The following RNF138 variants were observed in gnomAD, a reference collection of about 807,000 sequenced individuals.
The protein encoded by RNF138 is ring finger protein 138.
In RNF138, 12 loss-of-function variants were observed where a neutral mutation model predicts 31.0. That is an observed-to-expected ratio of 0.39 (90% CI 0.25 to 0.63). RNF138 has a LOEUF of 0.63. RNF138 is among the 20% of genes least tolerant of loss of function. The pLI, the probability that RNF138 is intolerant of heterozygous loss-of-function variation, is 0.52. For synonymous variants in RNF138, 105 were observed against 99.5 expected, an observed-to-expected ratio of 1.06 and a Z score of -0.33; for missense variants, 192 against 300.1, an observed-to-expected ratio of 0.64 and a Z score of 2.66.
intron 2 of RNF138, among the ~76,000 whole-genome samples, chr18:32,108,866 G>A (rs145045010): frequency 1.7e-3 from 260 of 152,058 alleles, no homozygotes; most frequent in African/African-American, 5.7e-3. Context: ...TTTTTTTACA[G>A]GAGCAAAGTC....
chr18:32,118,527 C>G (rs2040252130), intron 4 of RNF138, among the ~76,000 whole-genome samples: 1 of 151,094 alleles, frequency 6.6e-6, no homozygotes. Context: ...GAGCAAGACT[C>G]TTTCTCAAAA....
intron 6 of RNF138, among the ~76,000 whole-genome samples, chr18:32,126,196 ACC>A (rs2040381177): frequency 6.6e-6 from 1 of 152,200 alleles, no homozygotes; most frequent in African/African-American, 2.4e-5. Context: ...GGAATTTGAG[ACC>A]CAGCCTGGAC....
In RNF138 at chr18:32,092,697, T is replaced by C. The variant is rs764856312; in HGVS notation, c.-77-3T>C. The stretch of plus-strand genomic sequence containing the variant: ...TCCCCCTCCCCCCTCCGGGTTCATG[T>C]AGGGAGTCGGGCCCCGGGCCGCCAC... On this transcript the variant is annotated splice_region_variant and splice_polypyrimidine_tract_variant and intron_variant, in intron 1 of 7. Transcript: ENST00000261593. 1.9e-5 allele frequency: 15 copies of C among 808,472 alleles called. No individual in the cohort carries two copies. The African/African-American group carries it at 2.4e-4, about 13-fold the overall frequency. The allele number at this position is 808,472 out of a possible 1,614,324, so 50.1% of individuals were successfully genotyped here.
intron 2 of RNF138, among the ~76,000 whole-genome samples, chr18:32,098,710 G>A (rs1045837201): frequency 1.3e-5 from 2 of 151,956 alleles, no homozygotes; most frequent in Admixed American, 6.6e-5. Flanking sequence ...AAAATTAGCC[G>A]GGTGTGGCGG....
At chr18:32,099,701 C>T (rs369691207) in intron 2 of RNF138, among the ~76,000 whole-genome samples, 1 of 152,182 alleles carries the variant, frequency 6.6e-6, no homozygotes, top group South Asian at 2.1e-4. Flanking sequence ...CCACTGCACC[C>T]GGCCATTCTT....
chr18:32,091,888 G>C lies in RNF138; in HGVS notation c.-425G>C, dbSNP rs1451960950. On this transcript the variant is annotated 5_prime_UTR_variant, in exon 1 of 8. Transcript: ENST00000261593. ...CCGCGGAAGGCGCCGTGCGCCGGTT[G>C]CTATACAGGCCGCACTTCACACCCC... is the stretch of plus-strand genomic sequence containing the variant. 2 of 152,162 alleles carry C rather than the reference G, an allele frequency of 1.3e-5. No individual in the cohort carries two copies. Among genetic ancestry groups the C allele is most frequent in the Non-Finnish European group, 2.9e-5 (2 of 68,042 alleles). 9.4% of individuals were successfully genotyped at this position (152,162 alleles called of 1,614,324 possible).
chr18:32,112,036 CTG>C (rs1447605812), intron 3 of RNF138, 117 bp downstream of exon 3: 1 of 847,920 alleles, frequency 1.2e-6, no homozygotes, highest in African/African-American at 1.8e-5. Context: ...GGTATTTAGA[CTG>C]GGAATTGGAT....
intron 4 of RNF138, among the ~76,000 whole-genome samples, chr18:32,119,256 C>T (rs917098344): frequency 1.3e-5 from 2 of 151,742 alleles, no homozygotes; most frequent in African/African-American, 4.8e-5. Context: ...AGAAATATGA[C>T]CTCTCTCATT....
chr18:32,117,009 C>G (rs770285622), intron 4 of RNF138, among the ~76,000 whole-genome samples: 1 of 152,192 alleles, frequency 6.6e-6, no homozygotes, highest in Non-Finnish European at 1.5e-5. Flanking sequence ...TCAAGTGATT[C>G]TCCTGCCTAA....
At position 32,113,309 on chromosome 18, in the gene RNF138, C is replaced by T. The variant is rs757772706; in HGVS notation, c.277-436C>T. 3.3e-5 allele frequency among the ~76,000 whole-genome samples: 5 copies of T among 152,244 alleles called. No individual in the cohort carries two copies. The South Asian group carries it at 6.2e-4, about 19-fold the overall frequency. ...CTGAACTCAAGCAGTCCACCCATCC[C>T]AGCCTCCCAAAAGGCTGGGATTACA... On this transcript the variant is annotated intron_variant, in intron 3 of 7. Coordinates refer to ENST00000261593, the MANE Select transcript of RNF138 (RefSeq NM_016271.5).
rs780166210 is a variant in RNF138 at position 32,092,870 on chromosome 18, A to G, written c.94A>G (p.Thr32Ala). The G allele has an allele frequency of 4.8e-5, 75 of 1,578,032 alleles. No homozygotes were observed. The highest frequency in any genetic ancestry group is 6.2e-5 in the Non-Finnish European group (72 of 1,164,456). Residue 32 changes from threonine (T) to alanine (A), a missense_variant, in exon 2 of 8, where the codon ACG becomes GCG. By Grantham distance (58) the Thr-to-Ala change is moderately conservative. Coordinates refer to ENST00000261593, the MANE Select transcript of RNF138 (RefSeq NM_016271.5). ...QEVLKTPVRT[T>A]ACQHVFCRKC... ...GGTGCTCAAAACGCCCGTGCGGACCACGGCCTGTCAGCACGTGTGAGTAGA... is the reference window on the plus strand; with the variant it reads ...GGTGCTCAAAACGCCCGTGCGGACCGCGGCCTGTCAGCACGTGTGAGTAGA...
intron 2 of RNF138, among the ~76,000 whole-genome samples, chr18:32,093,905 TAACAA>T (rs1377729172): frequency 6.6e-6 from 1 of 152,206 alleles, no homozygotes; most frequent in African/African-American, 2.4e-5. Context: ...ATTTCAAACT[TAACAA>T]AAGAATGTTC....
intron 2 of RNF138, among the ~76,000 whole-genome samples, chr18:32,097,816 C>G (rs2039837324): frequency 6.6e-6 from 1 of 151,930 alleles, no homozygotes; most frequent in African/African-American, 2.4e-5. Flanking sequence ...AGCCACTATC[C>G]TCGGCCTAAT....
intron 2 of RNF138, among the ~76,000 whole-genome samples, chr18:32,108,608 T>G (rs2040075081): frequency 6.6e-6 from 1 of 152,190 alleles, no homozygotes; most frequent in Non-Finnish European, 1.5e-5. Flanking sequence ...TTGGGGCTAT[T>G]ATAAATAGTG....
intron 4 of RNF138, among the ~76,000 whole-genome samples, chr18:32,119,014 A>T (rs752212769): frequency 1.3e-5 from 2 of 152,174 alleles, no homozygotes; most frequent in Non-Finnish European, 2.9e-5. Context: ...CATGAAGGTT[A>T]TAAAAGATAT....
intron 2 of RNF138, among the ~76,000 whole-genome samples, chr18:32,105,091 T>C (rs1188132005): frequency 4.6e-5 from 7 of 152,144 alleles, no homozygotes; most frequent in Admixed American, 3.9e-4. Context: ...TAAAAAATCA[T>C]ATGCTTTTTT....
chr18:32,092,653 G>T (rs979335893), intron 1 of RNF138, 47 bp from the exon 2 acceptor site: 24 of 657,598 alleles, frequency 3.6e-5, no homozygotes, highest in Non-Finnish European at 6.1e-5. Context: ...TTCCTGGCGC[G>T]CGCTGTATCC....
intron 6 of RNF138, among the ~76,000 whole-genome samples, chr18:32,125,660 C>T (rs757594679): frequency 6.6e-5 from 10 of 152,222 alleles, no homozygotes; most frequent in East Asian, 5.8e-4. Flanking sequence ...GGACCGGGCA[C>T]GGTGGCTCAT....
intron 3 of RNF138, 66 bp downstream of exon 3, chr18:32,111,985 T>C: frequency 7.1e-7 from 1 of 1,403,796 alleles, no homozygotes; most frequent in South Asian, 1.5e-5. Flanking sequence ...CTTATTTGAA[T>C]TTTCTTGGTT....
Sources: allele counts gnomAD v4.1 joint callset (sites outside exome capture counted in the v4.1 genomes callset), GRCh38; gene constraint gnomAD v4.1.1; transcripts MANE v1.5; gene names NCBI Gene and HGNC (gene_info 2026-07-23, HGNC 2026-07-21).